GPC6: variants seen among roughly 807,000 people sequenced by gnomAD.
GPC6 encodes the protein glypican-6.
GPC6 carries 14 observed loss-of-function variants against 55.2 expected under a neutral mutation model. The ratio of observed to expected loss-of-function variants is 0.25; its 90% CI spans 0.17 to 0.40. The LOEUF (loss-of-function observed/expected upper bound fraction) is 0.40. Ranked by LOEUF, GPC6 falls within the 10% of genes least tolerant of loss-of-function variation. The probability of loss-of-function intolerance (pLI) is 1.00; values close to 1 mark genes in which losing one functional copy is unlikely to be tolerated. For missense variants in GPC6, 641 were observed against 708.5 expected, an observed-to-expected ratio of 0.90 and a Z score of 1.08; for synonymous variants, 278 against 259.6, an observed-to-expected ratio of 1.07 and a Z score of -0.68.
chr13:93,942,313 C>T (rs1878777407), intron 3 of GPC6, among the ~76,000 whole-genome samples: 1 of 152,162 alleles, frequency 6.6e-6, no homozygotes, highest in African/African-American at 2.4e-5. Context: ...CAGGACATCT[C>T]ACAACATAGC....
intron 4 of GPC6, among the ~76,000 whole-genome samples, chr13:94,088,247 T>G (rs1885358214): frequency 6.6e-6 from 1 of 152,170 alleles, no homozygotes. Context: ...ATAATTGACT[T>G]ACATAATTCA....
chr13:94,088,077 T>C (rs1885351598), intron 4 of GPC6, among the ~76,000 whole-genome samples: 1 of 152,216 alleles, frequency 6.6e-6, no homozygotes, highest in Non-Finnish European at 1.5e-5. Flanking sequence ...GTGAGTTCTT[T>C]TGCTGTACTA....
intron 4 of GPC6, among the ~76,000 whole-genome samples, chr13:94,035,124 T>C (rs1361146656): frequency 6.6e-6 from 1 of 152,020 alleles, no homozygotes; most frequent in Non-Finnish European, 1.5e-5. Flanking sequence ...CTCTTCAATG[T>C]ATTTTCTATA....
Position 94,245,932 on chromosome 13 carries a change from A to G in GPC6, c.878-40417A>G, listed in dbSNP as rs549299564. Among the ~76,000 whole-genome samples, 13 of 151,986 alleles carry G rather than the reference A, an allele frequency of 8.6e-5. No homozygotes were observed. The East Asian group carries it at 2.3e-3, about 27-fold the overall frequency. On this transcript the variant is annotated intron_variant, in intron 4 of 8. Coordinates refer to ENST00000377047, the MANE Select transcript of GPC6 (RefSeq NM_005708.5). ...AATTCTATTTTAATTTTCTTTAGGA[A>G]CCTCCATATTGTTTCCTATAATGGC...
chr13:94,358,062 G>C (rs1878881249), intron 6 of GPC6, among the ~76,000 whole-genome samples: 1 of 152,114 alleles, frequency 6.6e-6, no homozygotes, highest in African/African-American at 2.4e-5. Context: ...AGCCGAGGAG[G>C]GTGAATTACC....
chr13:93,225,421 T>C (rs1399547094), upstream of GPC6, among the ~76,000 whole-genome samples: 1 of 152,214 alleles, frequency 6.6e-6, no homozygotes, highest in Non-Finnish European at 1.5e-5. Flanking sequence ...AGCAAAAAAC[T>C]GTGCTAAAAT....
At chr13:93,512,139 T>A (rs992715883) in intron 1 of GPC6, among the ~76,000 whole-genome samples, 1 of 152,110 alleles carries the variant, frequency 6.6e-6, no homozygotes, top group African/African-American at 2.4e-5. Context: ...AATGGACAAT[T>A]TGACCTCTCC....
chr13:93,506,740 C>G (rs542216462), intron 1 of GPC6, among the ~76,000 whole-genome samples: 1 of 151,910 alleles, frequency 6.6e-6, no homozygotes, highest in African/African-American at 2.4e-5. Flanking sequence ...AAGGAATGTA[C>G]TTTAAAAAGC....
chr13:94,198,497 G>A (rs1889651145), intron 4 of GPC6, among the ~76,000 whole-genome samples: 2 of 152,210 alleles, frequency 1.3e-5, no homozygotes, highest in African/African-American at 4.8e-5. Flanking sequence ...AGTTATATTA[G>A]TGGGAAACAG....
chr13:94,066,957 C>G (rs1458823474), intron 4 of GPC6, among the ~76,000 whole-genome samples: 1 of 152,194 alleles, frequency 6.6e-6, no homozygotes, highest in East Asian at 1.9e-4. Context: ...TTAATATTTT[C>G]TATGAATATG....
intron 1 of GPC6, among the ~76,000 whole-genome samples, chr13:93,308,752 A>G (rs1878961769): frequency 6.6e-6 from 1 of 152,212 alleles, no homozygotes; most frequent in Non-Finnish European, 1.5e-5. Flanking sequence ...GTCATGGGTA[A>G]TTTAATTTCT....
chr13:94,073,648 C>A (rs1033623384), intron 4 of GPC6, among the ~76,000 whole-genome samples: 1 of 152,126 alleles, frequency 6.6e-6, no homozygotes, highest in Non-Finnish European at 1.5e-5. Flanking sequence ...GCTGATGAGA[C>A]CTGTTTCACA....
rs1030474483 is a variant in GPC6, at chr13:94,219,843, C to T, written c.878-66506C>T. On this transcript the variant is annotated intron_variant, in intron 4 of 8. Coordinates refer to ENST00000377047, the MANE Select transcript of GPC6 (RefSeq NM_005708.5). Reference sequence around the variant, plus strand: ...GGTATGTTGAGGCAGATTTTAGACCCTGATTTTCTGGGTCAGTGGATACCT... The same window carrying T: ...GGTATGTTGAGGCAGATTTTAGACCTTGATTTTCTGGGTCAGTGGATACCT... 5.3e-5 allele frequency among the ~76,000 whole-genome samples: 8 copies of T among 152,174 alleles called. No homozygotes were observed. In the East Asian group the frequency reaches 1.5e-3, roughly 29 times the overall value.
intron 1 of GPC6, among the ~76,000 whole-genome samples, chr13:93,524,688 A>G (rs1249859507): frequency 1.3e-5 from 2 of 152,104 alleles, no homozygotes; most frequent in South Asian, 2.1e-4. Flanking sequence ...TTTTAGAGAA[A>G]GATTCATCGT....
chr13:94,271,736 TC>T (rs1210254393), intron 4 of GPC6, among the ~76,000 whole-genome samples: 2 of 152,028 alleles, frequency 1.3e-5, no homozygotes, highest in Admixed American at 1.3e-4. Context: ...TCTCTCTCCA[TC>T]CCCCTCACTT....
intron 2 of GPC6, among the ~76,000 whole-genome samples, chr13:93,694,447 A>G (rs1037460056): frequency 6.6e-6 from 1 of 152,194 alleles, no homozygotes; most frequent in African/African-American, 2.4e-5. Context: ...TTTCCACAAA[A>G]ACATATTTTA....
intron 3 of GPC6, among the ~76,000 whole-genome samples, chr13:93,883,102 T>A (rs1875096307): frequency 6.6e-6 from 1 of 151,060 alleles, no homozygotes; most frequent in Admixed American, 6.6e-5. Context: ...AGCTTCCTCT[T>A]CTGTCTTTCT....
intron 2 of GPC6, among the ~76,000 whole-genome samples, chr13:93,563,466 G>A (rs1314975842): frequency 2.6e-5 from 4 of 151,486 alleles, no homozygotes; most frequent in African/African-American, 9.8e-5. Flanking sequence ...TGACCCTTGG[G>A]GAGGGGGTGG....
intron 1 of GPC6, among the ~76,000 whole-genome samples, chr13:93,329,715 T>C (rs1879774163): frequency 6.6e-6 from 1 of 152,122 alleles, no homozygotes; most frequent in Non-Finnish European, 1.5e-5. Context: ...GGCTTCTCCC[T>C]GAAACACCGC....
Sources: gnomAD v4.1 joint callset for allele counts (sites outside exome capture counted in the v4.1 genomes callset) on GRCh38, gnomAD v4.1.1 for gene constraint, MANE v1.5 for transcripts, NCBI Gene and HGNC (gene_info 2026-07-23, HGNC 2026-07-21) for gene names.